The following TBX20 variants were observed in gnomAD, a reference collection of about 807,000 sequenced individuals.
The protein encoded by TBX20 is T-box transcription factor 20.
A neutral mutation model predicts 42.9 loss-of-function variants in TBX20; 8 were observed. The ratio of observed to expected loss-of-function variants is 0.19; its 90% CI spans 0.11 to 0.34. The LOEUF is 0.34. Ranked by LOEUF, TBX20 falls within the 10% of genes least tolerant of loss-of-function variation. TBX20 has a pLI of 1.00. For missense variants in TBX20, 411 were observed against 566.0 expected (o/e 0.73, Z 2.78); for synonymous variants, 198 against 222.8 (o/e 0.89, Z 0.99).
chr7:35,252,185 A>G (rs2128716424), intron 1 of TBX20, among the ~76,000 whole-genome samples: 1 of 152,348 alleles, frequency 6.6e-6, no homozygotes, highest in South Asian at 2.1e-4. Context: ...AGATGTTTAC[A>G]AAGAATTCAG....
chr7:35,227,659 A>T (rs1401864938), intron 6 of TBX20, among the ~76,000 whole-genome samples: 2 of 152,144 alleles, frequency 1.3e-5, no homozygotes, highest in Non-Finnish European at 2.9e-5. Context: ...TTTCACAATG[A>T]CAAAATCTCC....
chr7:35,231,468 A>C (rs1419787528), intron 6 of TBX20, 36 bp downstream of exon 6: 1 of 1,476,086 alleles, frequency 6.8e-7, no homozygotes, highest in Non-Finnish European at 9.5e-7. Flanking sequence ...TCTTGATCTT[A>C]TCTGAACAAG....
intron 5 of TBX20, among the ~76,000 whole-genome samples, chr7:35,237,168 T>C (rs2429419): frequency 6.6e-6 from 1 of 152,174 alleles, no homozygotes; most frequent in Non-Finnish European, 1.5e-5. Context: ...GTCTTAACCA[T>C]TCTGACCTCA....
At chr7:35,228,783 T>A (rs1222970408) in intron 6 of TBX20, among the ~76,000 whole-genome samples, 3 of 152,036 alleles carry the variant, frequency 2.0e-5, no homozygotes, top group African/African-American at 7.2e-5. Context: ...TACAAAGATA[T>A]CCCTTTGGGC....
intron 6 of TBX20, among the ~76,000 whole-genome samples, chr7:35,207,066 G>A (rs1273613225): frequency 6.6e-6 from 1 of 152,126 alleles, no homozygotes; most frequent in Non-Finnish European, 1.5e-5. Flanking sequence ...TTGCATATAT[G>A]TGCAATTTTT....
intron 2 of TBX20, 70 bp from the exon 3 acceptor site, chr7:35,248,911 G>A (rs1584359344): frequency 1.3e-6 from 2 of 1,590,978 alleles, no homozygotes; most frequent in African/African-American, 1.3e-5. Context: ...ATTAGGAAGA[G>A]AGGAAGGGAG....
Position 35,253,474 on chromosome 7 carries a change from A to G in TBX20, c.127+20T>C, listed in dbSNP as rs746208639. On this transcript the variant is annotated intron_variant, in intron 1 of 7. Coordinates refer to ENST00000408931, the MANE Select transcript of TBX20 (RefSeq NM_001077653.2). ...GCAGCATCCCCAGTCCTCGGCGGAC[A>G]GCCGGGTAGCCCAACTTACCCAGGG... is the stretch of plus-strand genomic sequence containing the variant. The G allele has an allele frequency of 2.5e-6, 4 of 1,605,070 alleles. No homozygotes were observed. The highest frequency in any genetic ancestry group is 3.4e-6 in the Non-Finnish European group (4 of 1,176,186).
intron 3 of TBX20, among the ~76,000 whole-genome samples, chr7:35,246,893 C>G (rs555219477): frequency 6.6e-6 from 1 of 151,824 alleles, no homozygotes; most frequent in Non-Finnish European, 1.5e-5. Flanking sequence ...TCTAAAAAAG[C>G]TGAACTAGGA....
intron 6 of TBX20, among the ~76,000 whole-genome samples, chr7:35,216,383 T>C (rs1444268283): frequency 6.6e-6 from 1 of 152,224 alleles, no homozygotes; most frequent in Non-Finnish European, 1.5e-5. Flanking sequence ...GCCCAGCTAC[T>C]TGCCAGCTGT....
intron 6 of TBX20, among the ~76,000 whole-genome samples, chr7:35,205,221 G>C (rs1789380828): frequency 2.0e-5 from 3 of 152,064 alleles, no homozygotes; most frequent in Admixed American, 2.0e-4. Flanking sequence ...AGGAGTTTTA[G>C]CCTCTAGGTA....
In TBX20 at chr7:35,249,490, C is replaced by T. The variant is rs1790262539; in HGVS notation, c.380+461G>A. Among the ~76,000 whole-genome samples the T allele has an allele frequency of 6.6e-6, 1 of 152,328 alleles. No homozygotes were observed. Among genetic ancestry groups the T allele is most frequent in the South Asian group, 2.1e-4 (1 of 4,828 alleles). On this transcript the variant is annotated intron_variant, in intron 2 of 7. Transcript: ENST00000408931. The surrounding 1 kb of genome is among the most constrained non-coding windows in gnomAD (Gnocchi z 4.3). ...TTTATCGTTTCAAATTTCATTCTTC[C>T]GCCCAGGTTTTAATTTTAGTTTTTA...
chr7:35,249,926 C>G lies in TBX20; in HGVS notation c.380+25G>C. 3 of 1,587,018 alleles carry G rather than the reference C, an allele frequency of 1.9e-6. No individual in the cohort carries two copies. Among genetic ancestry groups the G allele is most frequent in the Non-Finnish European group, 1.7e-6 (2 of 1,164,868 alleles). ...GAGTGTCCTGACTCTCCACCCCCAA[C>G]CCCCAACCCCCAAGTCCCAACTACC... On this transcript the variant is annotated intron_variant, in intron 2 of 7. Coordinates refer to ENST00000408931, the MANE Select transcript of TBX20 (RefSeq NM_001077653.2). The surrounding 1 kb of genome is among the most constrained non-coding windows in gnomAD (Gnocchi z 4.3).
intron 6 of TBX20, among the ~76,000 whole-genome samples, chr7:35,206,206 C>G (rs928440975): frequency 2.0e-5 from 3 of 152,174 alleles, no homozygotes; most frequent in African/African-American, 7.2e-5. Context: ...AACAAACAAA[C>G]TATATTGAGA....
At chr7:35,212,631 C>A (rs945984455) in intron 6 of TBX20, among the ~76,000 whole-genome samples, 4 of 152,180 alleles carry the variant, frequency 2.6e-5, no homozygotes, top group Admixed American at 6.5e-5. Context: ...GACTGGAACA[C>A]TATTTAGTTG....
chr7:35,212,899 G>T (rs566193285), intron 6 of TBX20, among the ~76,000 whole-genome samples: 1 of 152,230 alleles, frequency 6.6e-6, no homozygotes, highest in East Asian at 1.9e-4. Context: ...GAGTTCTTTA[G>T]GGATCCTCTG....
At chr7:35,235,030 GCA>G (rs2128713897) in intron 5 of TBX20, among the ~76,000 whole-genome samples, 1 of 152,242 alleles carries the variant, frequency 6.6e-6, no homozygotes, top group Non-Finnish European at 1.5e-5. Flanking sequence ...TCAAGAACAA[GCA>G]CAGTGAGAAA....
intron 6 of TBX20, among the ~76,000 whole-genome samples, chr7:35,209,091 C>CATAATTAATATGATA (rs1789451707): frequency 6.6e-6 from 1 of 151,990 alleles, no homozygotes; most frequent in Non-Finnish European, 1.5e-5. Context: ...GACATATTAT[C>CATAATTAATATGATA]GTTTTTTTAA....
At chr7:35,244,793 C>G (rs1584357166) in intron 4 of TBX20, among the ~76,000 whole-genome samples, 156 bp downstream of exon 4, 1 of 152,098 alleles carries the variant, frequency 6.6e-6, no homozygotes, top group Non-Finnish European at 1.5e-5. Flanking sequence ...CAGTCAAGGT[C>G]CCCTGAAGAA....
At chr7:35,211,134 G>A (rs1406456560) in intron 6 of TBX20, among the ~76,000 whole-genome samples, 1 of 152,006 alleles carries the variant, frequency 6.6e-6, no homozygotes, top group African/African-American at 2.4e-5. Flanking sequence ...TTTCAAGTTA[G>A]TATAAGCCCT....
Sources: allele counts gnomAD v4.1 joint callset (sites outside exome capture counted in the v4.1 genomes callset), GRCh38; gene constraint gnomAD v4.1.1; non-coding constraint Gnocchi (gnomAD v3.1); transcripts MANE v1.5; gene names NCBI Gene and HGNC (gene_info 2026-07-23, HGNC 2026-07-21).